Variants in CLSPN observed in about 807,000 individuals in gnomAD.
CLSPN encodes claspin, also known as claspin homolog.
CLSPN carries 85 observed loss-of-function variants against 156.3 expected under a neutral mutation model. The observed-to-expected ratio is 0.54, with a 90% CI of 0.46 to 0.65. CLSPN has a LOEUF of 0.65. Among genes scored for constraint, CLSPN ranks in the 30% least tolerant of loss-of-function variants. The probability of loss-of-function intolerance (pLI) is 0.00; values close to 1 mark genes in which losing one functional copy is unlikely to be tolerated. For missense variants in CLSPN, 1,407 were observed against 1,554.9 expected, an observed-to-expected ratio of 0.90 and a Z score of 1.60; for synonymous variants, 534 against 542.4, an observed-to-expected ratio of 0.98 and a Z score of 0.22.
intron 21 of CLSPN, 29 bp from the exon 22 acceptor site, chr1:35,738,126 A>G: frequency 1.5e-6 from 1 of 664,506 alleles, no homozygotes; most frequent in Non-Finnish European, 2.1e-6. Context: ...ATATATATAT[A>G]TATATATATA....
Position 35,751,377 on chromosome 1 carries a change from T to C in CLSPN, c.1901A>G (p.Glu634Gly). 6.2e-7 allele frequency: 1 copy of C among 1,610,772 alleles called. No individual in the cohort carries two copies. The part of the protein sequence containing the change: ...NEDGFEEEEE[E>G]EEEMTDESEE... ...AGACTCATCTGTCATTTCTTCCTCT[T>C]CCTCCTCCTCTTCCTCAAACCCATC... The change falls in exon 10 of 25, where the codon GAA becomes GGA. Residue 634 changes from glutamate to glycine, a missense_variant. Transcript: ENST00000318121.
downstream of CLSPN, among the ~76,000 whole-genome samples, chr1:35,730,331 G>A (rs1641283643): frequency 6.6e-6 from 1 of 151,964 alleles, no homozygotes. Flanking sequence ...ATCACTTGAG[G>A]TCAGGAGTTC....
chr1:35,754,346 TTTTTTG>T (rs1642202342), intron 8 of CLSPN, among the ~76,000 whole-genome samples: 1 of 152,128 alleles, frequency 6.6e-6, no homozygotes, highest in African/African-American at 2.4e-5. Context: ...GTTATTGCTG[TTTTTTG>T]TTTTTGTTTT....
chr1:35,748,378 A>C (rs1414405882), intron 13 of CLSPN, 27 bp downstream of exon 13: 7 of 1,594,668 alleles, frequency 4.4e-6, no homozygotes, highest in African/African-American at 2.7e-5. Flanking sequence ...AGAGAGGAGG[A>C]GATTAGAAAA....
intron 1 of CLSPN, among the ~76,000 whole-genome samples, chr1:35,769,236 C>G (rs896583299): frequency 6.6e-6 from 1 of 152,184 alleles, no homozygotes; most frequent in Non-Finnish European, 1.5e-5. Flanking sequence ...TGCCCGAATC[C>G]GGCCCAGAAA....
intron 1 of CLSPN, among the ~76,000 whole-genome samples, chr1:35,766,939 G>C (rs1345859399): frequency 3.3e-5 from 5 of 151,090 alleles, no homozygotes. Flanking sequence ...TAGAAACGGG[G>C]TTTCACAATG....
downstream of CLSPN, among the ~76,000 whole-genome samples, chr1:35,728,752 C>T (rs1029686463): frequency 1.3e-5 from 2 of 152,230 alleles, no homozygotes; most frequent in South Asian, 4.1e-4. Flanking sequence ...GGTTCTAATC[C>T]TTGGTCAATT....
intron 9 of CLSPN, among the ~76,000 whole-genome samples, chr1:35,753,414 C>T (rs1377555417): frequency 6.6e-6 from 1 of 151,862 alleles, no homozygotes; most frequent in African/African-American, 2.4e-5. Flanking sequence ...ATTACATATA[C>T]ATATGTGCAA....
chr1:35,762,137 C>T, intron 5 of CLSPN, 67 bp from the exon 6 acceptor site: 1 of 1,224,424 alleles, frequency 8.2e-7, no homozygotes, highest in Non-Finnish European at 1.2e-6. Context: ...ATATTCATCA[C>T]TCAAGAGTTT....
At chr1:35,731,535 G>A (rs143342075), downstream of CLSPN, among the ~76,000 whole-genome samples, 7 of 152,132 alleles carry the variant, frequency 4.6e-5, no homozygotes, top group African/African-American at 1.2e-4. Context: ...CATAAAGGTC[G>A]CCTCTGGCTG....
Position 35,732,141 on chromosome 1 carries a change from G to A in CLSPN, c.*4355C>T, listed in dbSNP as rs980076609. The A allele has an allele frequency of 1.0e-6, 1 of 983,756 alleles. No individual in the cohort carries two copies. The highest frequency in any genetic ancestry group is 1.2e-6 in the Non-Finnish European group (1 of 828,538). The allele number at this position is 983,756 out of a possible 1,614,324, so 60.9% of individuals were successfully genotyped here. A position where few individuals can be genotyped will look rare whatever the true frequency, so the allele number is the denominator to read the frequency against. ...AGGTGTAGTGTTATTTATTCAAACT[G>A]TGGTAGGCACCACTACATTCCAAGC... On this transcript the variant is annotated 3_prime_UTR_variant, in exon 25 of 25. Transcript: ENST00000318121.
chr1:35,726,962 G>A (rs371949910), intron 24 of CLSPN, among the ~76,000 whole-genome samples: 34 of 152,270 alleles, frequency 2.2e-4, no homozygotes, highest in East Asian at 1.4e-3. Context: ...TGAAGTTGCC[G>A]GGGAAAAGGC....
chr1:35,729,610 C>A (rs1399022001), downstream of CLSPN, among the ~76,000 whole-genome samples: 1 of 152,156 alleles, frequency 6.6e-6, no homozygotes, highest in African/African-American at 2.4e-5. Flanking sequence ...GTGACACCAG[C>A]CATACACAAG....
chr1:35,722,213 C>T (rs888373277), intron 24 of CLSPN, among the ~76,000 whole-genome samples: 2 of 149,532 alleles, frequency 1.3e-5, no homozygotes, highest in Non-Finnish European at 3.0e-5. Flanking sequence ...CCTGGAATAG[C>T]TGAGTCATCA....
At position 35,735,470 on chromosome 1, in the gene CLSPN, G is replaced by T; in HGVS notation, c.*1026C>A. On this transcript the variant is annotated 3_prime_UTR_variant, in exon 25 of 25. Transcript: ENST00000318121. Reference sequence around the variant, plus strand: ...CGCCTGTAATCTCAGCACTTTGGGAGGCTGAGGCAGCTGGATCACTTGAGG... The same window carrying T: ...CGCCTGTAATCTCAGCACTTTGGGATGCTGAGGCAGCTGGATCACTTGAGG... The T allele has an allele frequency of 1.1e-6, 1 of 930,096 alleles. No individual in the cohort carries two copies. Among genetic ancestry groups the T allele is most frequent in the Non-Finnish European group, 1.3e-6 (1 of 779,528 alleles). 57.6% of individuals were successfully genotyped at this position (930,096 alleles called of 1,614,324 possible). A position where few individuals can be genotyped will look rare whatever the true frequency, so the allele number is the denominator to read the frequency against.
At chr1:35,762,953 G>A (rs1413874653) in intron 4 of CLSPN, among the ~76,000 whole-genome samples, 2 of 151,404 alleles carry the variant, frequency 1.3e-5, no homozygotes, top group Admixed American at 1.3e-4. Context: ...TCCTAAAAGG[G>A]TAATAACAAA....
At chr1:35,768,530 CCCGAGTAGCTGGGA>C (rs893594817) in intron 1 of CLSPN, among the ~76,000 whole-genome samples, 8 of 152,018 alleles carry the variant, frequency 5.3e-5, no homozygotes, top group South Asian at 2.1e-4. Context: ...ACCTCAGCCA[CCCGAGTAGCTGGGA>C]CCGAGTAGCT....
At chr1:35,727,822 T>C (rs1162858704), downstream of CLSPN, among the ~76,000 whole-genome samples, 2 of 152,198 alleles carry the variant, frequency 1.3e-5, no homozygotes, top group Non-Finnish European at 2.9e-5. Context: ...TTAAGTAGCT[T>C]TCACAGTCCA....
intron 17 of CLSPN, 96 bp from the exon 18 acceptor site, chr1:35,743,337 G>T: frequency 7.2e-7 from 1 of 1,380,704 alleles, no homozygotes; most frequent in Non-Finnish European, 1.0e-6. Flanking sequence ...CTCATTCTAG[G>T]AAATTGTTTC....
Sources: allele counts gnomAD v4.1 joint callset (sites outside exome capture counted in the v4.1 genomes callset), GRCh38; gene constraint gnomAD v4.1.1; transcripts MANE v1.5; gene names NCBI Gene and HGNC (gene_info 2026-07-23, HGNC 2026-07-21).